The following PPARGC1B variants were observed in gnomAD, a reference collection of about 807,000 sequenced individuals.
The protein encoded by PPARGC1B is PPARG coactivator 1 beta, also known as peroxisome proliferator-activated receptor gamma coactivator 1-beta.
A neutral mutation model predicts 101.6 loss-of-function variants in PPARGC1B; 34 were observed. The observed-to-expected ratio is 0.33, with a 90% CI of 0.25 to 0.45. The LOEUF (loss-of-function observed/expected upper bound fraction) is 0.45. PPARGC1B is among the 20% of genes least tolerant of loss of function. The pLI, the probability that PPARGC1B is intolerant of heterozygous loss-of-function variation, is 1.00. For synonymous variants in PPARGC1B, 548 were observed against 539.3 expected (o/e 1.02, Z -0.22); for missense variants, 1,234 against 1,317.6 (o/e 0.94, Z 0.98).
chr5:149,840,826 C>G (rs1459322464), intron 9 of PPARGC1B, among the ~76,000 whole-genome samples: 1 of 152,194 alleles, frequency 6.6e-6, no homozygotes, highest in Non-Finnish European at 1.5e-5. Context: ...CAAACAGACT[C>G]CTGCTGAGTC....
At chr5:149,855,586 G>C (rs1376633527), downstream of PPARGC1B, among the ~76,000 whole-genome samples, 1 of 152,190 alleles carries the variant, frequency 6.6e-6, no homozygotes, top group Non-Finnish European at 1.5e-5. Context: ...GGCCTGCATT[G>C]TGTGCGGTAA....
intron 1 of PPARGC1B, among the ~76,000 whole-genome samples, chr5:149,788,638 G>A (rs140820152): frequency 0.019 from 2,954 of 152,262 alleles, 40 homozygotes; most frequent in Middle Eastern, 0.027. Flanking sequence ...TATGTTTATT[G>A]CGGCACTATT....
At chr5:149,792,460 C>T (rs1038369366) in intron 1 of PPARGC1B, among the ~76,000 whole-genome samples, 1 of 152,208 alleles carries the variant, frequency 6.6e-6, no homozygotes, top group East Asian at 1.9e-4. Context: ...AGTGGTGGGA[C>T]AGGGTTGGGG....
At chr5:149,847,183 G>A in intron 11 of PPARGC1B, 1 of 568,052 alleles carries the variant, frequency 1.8e-6, no homozygotes, top group Non-Finnish European at 3.2e-6. Context: ...GAGTTGTAGG[G>A]TGTTGGAGCT....
intron 1 of PPARGC1B, among the ~76,000 whole-genome samples, chr5:149,776,502 T>C (rs1237849081): frequency 6.6e-6 from 1 of 152,160 alleles, no homozygotes; most frequent in Admixed American, 6.5e-5. Context: ...AGTCAAATCA[T>C]TGTGGTAGGT....
intron 1 of PPARGC1B, among the ~76,000 whole-genome samples, chr5:149,770,432 G>T (rs1035242168): frequency 5.3e-5 from 8 of 152,208 alleles, no homozygotes; most frequent in Non-Finnish European, 1.0e-4. Flanking sequence ...TGAAGATCCA[G>T]ATAGGGGAAG....
At chr5:149,845,738 T>C (rs748279132) in intron 10 of PPARGC1B, 22 bp from the exon 11 acceptor site, 3 of 1,581,396 alleles carry the variant, frequency 1.9e-6, no homozygotes, top group Non-Finnish European at 2.6e-6. Context: ...AATAACATAC[T>C]CTCCTTGCTC....
chr5:149,788,010 C>T (rs1173729871), intron 1 of PPARGC1B, among the ~76,000 whole-genome samples: 1 of 152,162 alleles, frequency 6.6e-6, no homozygotes, highest in Non-Finnish European at 1.5e-5. Context: ...AGGACATAGG[C>T]ATGGGCAAGG....
intron 1 of PPARGC1B, among the ~76,000 whole-genome samples, chr5:149,731,575 C>G (rs1457610440): frequency 1.3e-5 from 2 of 151,042 alleles, no homozygotes; most frequent in African/African-American, 4.9e-5. Context: ...AGCGCCGGTG[C>G]CGGCCCGTTT....
At chr5:149,747,224 G>A (rs2113106375) in intron 1 of PPARGC1B, among the ~76,000 whole-genome samples, 1 of 152,246 alleles carries the variant, frequency 6.6e-6, no homozygotes, top group East Asian at 1.9e-4. Flanking sequence ...GAGTTTTAGA[G>A]TTTGAGCTCT....
chr5:149,818,985 G>C (rs764544810), intron 1 of PPARGC1B: 34 of 416,344 alleles, frequency 8.2e-5, no homozygotes, highest in Admixed American at 3.4e-4. Flanking sequence ...TTCTGTTTCT[G>C]TGTCAGCCCC....
At position 149,852,844 on chromosome 5, in the gene PPARGC1B, C is replaced by A. The variant is rs1759817189; in HGVS notation, c.*5286C>A. 6.6e-6 allele frequency: 1 copy of A among 151,330 alleles called. No homozygotes were observed. Among genetic ancestry groups the A allele is most frequent in the Non-Finnish European group, 1.5e-5 (1 of 67,924 alleles). The allele number at this position is 151,330 out of a possible 1,614,324, so 9.4% of individuals were successfully genotyped here. ...TTAGGGCAGCTTTTGTTTTTTGTTT[C>A]TTTAATGGTATAGCAGCAGTGACTG... On this transcript the variant is annotated 3_prime_UTR_variant, in exon 12 of 12. Coordinates refer to ENST00000309241, the MANE Select transcript of PPARGC1B (RefSeq NM_133263.4).
chr5:149,809,350 C>CATAGATAGATAG (rs374136678), intron 1 of PPARGC1B, among the ~76,000 whole-genome samples: 1 of 34,846 alleles, frequency 2.9e-5, no homozygotes, highest in Non-Finnish European at 5.2e-5. Flanking sequence ...CCATCTCTAC[C>CATAGATAGATAG]ATAGATAGAT....
intron 1 of PPARGC1B, among the ~76,000 whole-genome samples, chr5:149,770,403 A>G (rs1010948457): frequency 1.3e-5 from 2 of 152,208 alleles, no homozygotes; most frequent in Non-Finnish European, 2.9e-5. Context: ...ACAGGACATC[A>G]TCGCTTCCTC....
Position 149,847,497 on chromosome 5 carries a change from G to A in PPARGC1B, c.3011G>A (p.Ser1004Asn). 6.2e-7 allele frequency: 1 copy of A among 1,614,176 alleles called. No individual in the cohort carries two copies. Among genetic ancestry groups the A allele is most frequent in the Non-Finnish European group, 8.5e-7 (1 of 1,180,028 alleles). The change falls in exon 12 of 12, where the codon AGC becomes AAC. Residue 1004 changes from serine to asparagine, a missense_variant. By Grantham distance (46) the Ser-to-Asn change is conservative. Transcript: ENST00000309241. ...SEEALPASGKSKYEAMDFDSL... is the reference protein window; with the variant it reads ...SEEALPASGKNKYEAMDFDSL... The stretch of plus-strand genomic sequence containing the variant: ...GAGGCCCTTCCTGCGTCAGGGAAAA[G>A]CAAGTATGAAGCCATGGATTTTGAC...
intron 1 of PPARGC1B, among the ~76,000 whole-genome samples, chr5:149,743,696 G>T (rs776460162): frequency 2.6e-5 from 4 of 152,188 alleles, no homozygotes; most frequent in South Asian, 2.1e-4. Flanking sequence ...TGTGGGTGAG[G>T]TGAGTGTGGC....
intron 2 of PPARGC1B, among the ~76,000 whole-genome samples, chr5:149,823,125 C>T (rs142621470): frequency 1.3e-5 from 2 of 152,250 alleles, no homozygotes; most frequent in East Asian, 3.9e-4. Context: ...CATGACAAGC[C>T]CTTAGTAAAT....
intron 1 of PPARGC1B, among the ~76,000 whole-genome samples, chr5:149,788,223 T>C (rs1756880726): frequency 6.6e-6 from 1 of 151,968 alleles, no homozygotes; most frequent in African/African-American, 2.4e-5. Flanking sequence ...TTAAATAAAT[T>C]TACAATAAAA....
chr5:149,772,317 A>G (rs1581035638), intron 1 of PPARGC1B, among the ~76,000 whole-genome samples: 1 of 151,946 alleles, frequency 6.6e-6, no homozygotes, highest in Non-Finnish European at 1.5e-5. Context: ...CTGTCTCGGG[A>G]TGCGGTGTTT....
Sources: allele counts gnomAD v4.1 joint callset (sites outside exome capture counted in the v4.1 genomes callset), GRCh38; gene constraint gnomAD v4.1.1; transcripts MANE v1.5; gene names NCBI Gene and HGNC (gene_info 2026-07-23, HGNC 2026-07-21).